The following CNTLN variants were observed in gnomAD, a reference collection of about 807,000 sequenced individuals.
CNTLN encodes centlein, centrosomal protein.
Under a neutral mutation model 180.0 loss-of-function variants are expected in CNTLN, and 212 were observed. The observed-to-expected ratio is 1.18, with a 90% confidence interval of 1.05 to 1.32. The LOEUF (loss-of-function observed/expected upper bound fraction) is 1.32. CNTLN is among the 40% of genes most tolerant of loss of function. The pLI is 0.00. For missense variants in CNTLN, 2,095 were observed against 1,610.9 expected (o/e 1.30, Z -5.14); for synonymous variants, 722 against 563.1 (o/e 1.28, Z -3.99).
chr9:17,435,678 T>G (rs1006687549), intron 18 of CNTLN, among the ~76,000 whole-genome samples: 9 of 152,018 alleles, frequency 5.9e-5, no homozygotes, highest in Non-Finnish European at 8.8e-5. Context: ...TTCTCCTGCT[T>G]CAGCCTCCTG....
chr9:17,185,974 G>A (rs1157581720), intron 2 of CNTLN, among the ~76,000 whole-genome samples: 1 of 152,032 alleles, frequency 6.6e-6, no homozygotes, highest in Non-Finnish European at 1.5e-5. Context: ...TAAATTTTTT[G>A]TAGAGGCAGG....
Position 17,415,875 on chromosome 9 carries a change from A to G in CNTLN, c.2884A>G (p.Thr962Ala), listed in dbSNP as rs200826065. Residue 962 changes from threonine (T) to alanine (A), a missense_variant, in exon 17 of 26, where the codon ACT becomes GCT. Physicochemically the swap from Thr to Ala is moderately conservative, Grantham distance 58 (BLOSUM62 0). Transcript: ENST00000380647. The part of the protein sequence containing the change: ...MQKSSHTAVP[T>A]RVNREKYKNI... ...AAAGAGTTCACATACAGCAGTTCCT[A>G]CTAGAGGTAAGAATGTATATGCAAT... 36 of 1,608,316 alleles carry G rather than the reference A, an allele frequency of 2.2e-5. No homozygotes were observed. The highest frequency in any genetic ancestry group is 8.4e-5 in the Admixed American group (5 of 59,348).
intron 19 of CNTLN, among the ~76,000 whole-genome samples, chr9:17,459,333 C>G (rs1330860838): frequency 6.6e-6 from 1 of 151,978 alleles, no homozygotes; most frequent in Non-Finnish European, 1.5e-5. Context: ...ATACAAATCT[C>G]TCTCTTGCTT....
rs1346755146 is a variant in CNTLN at position 17,217,508 on chromosome 9, T to C, written c.450-8695T>C. Among the ~76,000 whole-genome samples the C allele has an allele frequency of 3.3e-5, 5 of 152,236 alleles. No individual in the cohort carries two copies. The East Asian group carries it at 9.6e-4, about 29-fold the overall frequency. On this transcript the variant is annotated intron_variant, in intron 2 of 25. Transcript: ENST00000380647. ...TGGCTGCTCAGGACACAGTTTGAAA[T>C]GCAAGGTGCAAGTTAGCACTTTATT...
intron 2 of CNTLN, among the ~76,000 whole-genome samples, chr9:17,212,122 T>A (rs1823363221): frequency 6.6e-6 from 1 of 152,212 alleles, no homozygotes; most frequent in South Asian, 2.1e-4. Flanking sequence ...AGGGCATCCC[T>A]GTCTTGTGCC....
At chr9:17,241,814 C>CT (rs1825510273) in intron 5 of CNTLN, among the ~76,000 whole-genome samples, 1 of 152,054 alleles carries the variant, frequency 6.6e-6, no homozygotes, top group Non-Finnish European at 1.5e-5. Context: ...TTGTAGCTAT[C>CT]ATAAGTAGGA....
rs539816543 is a variant in CNTLN, at chr9:17,357,621, C to T, written c.1887-8996C>T. ...ATACTACATATATATATAAATACTA[C>T]ATATATATATAGTATTTTTAAATTT... On this transcript the variant is annotated intron_variant, in intron 12 of 25. Transcript: ENST00000380647. 1.3e-4 allele frequency among the ~76,000 whole-genome samples: 19 copies of T among 146,066 alleles called. No individual in the cohort carries two copies. The South Asian group carries it at 4.0e-3, about 31-fold the overall frequency.
At chr9:17,506,140 T>A (rs1833928796), downstream of CNTLN, among the ~76,000 whole-genome samples, 1 of 151,480 alleles carries the variant, frequency 6.6e-6, no homozygotes, top group Admixed American at 6.6e-5. Context: ...ATAAATTACA[T>A]CAAAATGGGT....
intron 2 of CNTLN, among the ~76,000 whole-genome samples, chr9:17,150,110 C>T (rs1199601484): frequency 1.3e-5 from 2 of 152,188 alleles, no homozygotes. Flanking sequence ...TGCCTGTTCA[C>T]TCTGATGATA....
At chr9:17,314,375 A>C (rs1395208404) in intron 8 of CNTLN, among the ~76,000 whole-genome samples, 2 of 152,172 alleles carry the variant, frequency 1.3e-5, no homozygotes, top group Non-Finnish European at 2.9e-5. Flanking sequence ...TGTATTACTC[A>C]TGGAAGTGTT....
intron 5 of CNTLN, among the ~76,000 whole-genome samples, chr9:17,264,752 T>G (rs1827279285): frequency 6.6e-6 from 1 of 152,262 alleles, no homozygotes; most frequent in Non-Finnish European, 1.5e-5. Flanking sequence ...AAGAGGTCCT[T>G]CACATCCCTT....
At chr9:17,184,706 A>G (rs1364290056) in intron 2 of CNTLN, among the ~76,000 whole-genome samples, 1 of 152,204 alleles carries the variant, frequency 6.6e-6, no homozygotes, top group Non-Finnish European at 1.5e-5. Context: ...CATAATTGCT[A>G]TTGCAGGATT....
At chr9:17,321,826 A>G (rs547010897) in intron 8 of CNTLN, among the ~76,000 whole-genome samples, 1 of 152,078 alleles carries the variant, frequency 6.6e-6, no homozygotes, top group South Asian at 2.1e-4. Flanking sequence ...TTACTTTATT[A>G]TTGTTTCTAT....
rs186967510 is a variant in CNTLN, at chr9:17,473,472, C to T, written c.3855+6581C>T. On this transcript the variant is annotated intron_variant, in intron 23 of 25. Transcript: ENST00000380647. ...TAGAGCTAATACCTCACTTTGCACA[C>T]TGGATTTTATCTCCTCATATTCGCA... Among the ~76,000 whole-genome samples, 147 of 152,134 alleles carry T rather than the reference C, an allele frequency of 9.7e-4. 1 individual carries two copies. Among genetic ancestry groups the T allele is most frequent in the African/African-American group, 3.4e-3 (142 of 41,468 alleles).
At chr9:17,387,984 A>G (rs542041542) in intron 13 of CNTLN, among the ~76,000 whole-genome samples, 178 bp from the exon 14 acceptor site, 2 of 150,896 alleles carry the variant, frequency 1.3e-5, no homozygotes, top group African/African-American at 4.8e-5. Flanking sequence ...AAAGATACAT[A>G]ATTATGTTGC....
intron 8 of CNTLN, among the ~76,000 whole-genome samples, chr9:17,323,451 A>C (rs1441296964): frequency 6.6e-6 from 1 of 152,176 alleles, no homozygotes; most frequent in African/African-American, 2.4e-5. Flanking sequence ...GCGGGTCACG[A>C]GCTTCAGGGA....
intron 7 of CNTLN, among the ~76,000 whole-genome samples, chr9:17,305,592 A>T (rs1818653508): frequency 6.6e-6 from 1 of 152,104 alleles, no homozygotes; most frequent in African/African-American, 2.4e-5. Flanking sequence ...GGGCACTGGA[A>T]CATCCTAAGC....
the CNTLN span, among the ~76,000 whole-genome samples, chr9:17,509,471 G>A: frequency 5.9e-4 from 90 of 152,340 alleles, no homozygotes; most frequent in African/African-American, 2.1e-3. Context: ...TGTGATCAAG[G>A]AAGTTACTTC....
At chr9:17,175,928 T>C (rs1002190702) in intron 2 of CNTLN, among the ~76,000 whole-genome samples, 1 of 152,144 alleles carries the variant, frequency 6.6e-6, no homozygotes, top group African/African-American at 2.4e-5. Context: ...TACTAATATA[T>C]AGAATAAGGA....
Sources: gnomAD v4.1 joint callset for allele counts (sites outside exome capture counted in the v4.1 genomes callset) on GRCh38, gnomAD v4.1.1 for gene constraint, MANE v1.5 for transcripts, NCBI Gene and HGNC (gene_info 2026-07-23, HGNC 2026-07-21) for gene names.